Variants in PAK1 observed in about 807,000 individuals in gnomAD.
PAK1 encodes the protein p21 (RAC1) activated kinase 1, also known as serine/threonine-protein kinase PAK 1.
Under a neutral mutation model 67.4 loss-of-function variants are expected in PAK1, and 29 were observed. That is an observed-to-expected ratio of 0.43 (90% CI 0.32 to 0.59). The LOEUF is 0.59. Ranked by LOEUF, PAK1 falls within the 20% of genes least tolerant of loss-of-function variation. PAK1 has a pLI of 0.07. For synonymous variants in PAK1, 223 were observed against 237.4 expected, an observed-to-expected ratio of 0.94 and a Z score of 0.56; for missense variants, 337 against 670.7, an observed-to-expected ratio of 0.50 and a Z score of 5.50.
intron 1 of PAK1, among the ~76,000 whole-genome samples, chr11:77,452,563 T>C (rs942234085): frequency 6.6e-6 from 1 of 152,046 alleles, no homozygotes; most frequent in African/African-American, 2.4e-5. Context: ...GCAACCCAAC[T>C]AGTCTATGAG....
At chr11:77,513,927 G>A in the PAK1 span, among the ~76,000 whole-genome samples, 50,527 of 151,938 alleles carry the variant, frequency 0.33, 8,602 homozygotes, top group Admixed American at 0.37. Context: ...GTACTGTGCT[G>A]GACACCTGTC....
Position 77,426,437 on chromosome 11 carries a change from C to T in PAK1, c.-21-33896G>A, listed in dbSNP as rs1054004354. ...CATATCATTTAACCTAATAACAGCC[C>T]TTTAAAAATTGGCTTTATTACCCTC... On this transcript the variant is annotated intron_variant, in intron 1 of 14. Transcript: ENST00000356341. 3.3e-5 allele frequency among the ~76,000 whole-genome samples: 5 copies of T among 152,222 alleles called. No homozygotes were observed. In the South Asian group the frequency reaches 6.2e-4, roughly 19 times the overall value.
chr11:77,375,604 C>T (rs890661864), intron 4 of PAK1, among the ~76,000 whole-genome samples: 1 of 152,174 alleles, frequency 6.6e-6, no homozygotes, highest in African/African-American at 2.4e-5. Context: ...TAATTGGCAG[C>T]TTTATTTTCT....
intron 11 of PAK1, among the ~76,000 whole-genome samples, chr11:77,340,001 A>C (rs969410657): frequency 1.3e-5 from 2 of 152,206 alleles, no homozygotes; most frequent in African/African-American, 4.8e-5. Context: ...GACACTGTCC[A>C]GGCTTTCTGG....
At chr11:77,500,422 G>T in the PAK1 span, among the ~76,000 whole-genome samples, 1 of 151,684 alleles carries the variant, frequency 6.6e-6, no homozygotes, top group South Asian at 2.1e-4. Context: ...AGCCGAGATT[G>T]TGCCACTGCA....
intron 14 of PAK1, among the ~76,000 whole-genome samples, chr11:77,332,275 GCA>G (rs1941726770): frequency 9.0e-6 from 1 of 111,638 alleles, no homozygotes; most frequent in Non-Finnish European, 1.8e-5. Flanking sequence ...TCACGCCATT[GCA>G]CACTCCTGCC....
intron 1 of PAK1, among the ~76,000 whole-genome samples, chr11:77,411,164 T>C (rs1412406420): frequency 6.6e-6 from 1 of 152,014 alleles, no homozygotes. Flanking sequence ...TACCAAGGTC[T>C]ACTTCCCAAG....
chr11:77,502,773 C>T, the PAK1 span, among the ~76,000 whole-genome samples: 2 of 152,094 alleles, frequency 1.3e-5, no homozygotes, highest in Non-Finnish European at 2.9e-5. Flanking sequence ...CCACAGACCT[C>T]GCAAGCTGGC....
intron 14 of PAK1, among the ~76,000 whole-genome samples, chr11:77,330,246 G>C (rs9667939): frequency 0.041 from 6,262 of 152,092 alleles, 452 homozygotes; most frequent in African/African-American, 0.14. Context: ...TCCCCATCAA[G>C]CTACCAATGA....
intron 1 of PAK1, among the ~76,000 whole-genome samples, chr11:77,408,548 C>CACACAT (rs1378874256): frequency 6.6e-6 from 1 of 151,494 alleles, no homozygotes; most frequent in East Asian, 1.9e-4. Flanking sequence ...CACACACACA[C>CACACAT]ACACACACAC....
chr11:77,331,675 AC>A (rs1941557267), intron 14 of PAK1, among the ~76,000 whole-genome samples: 1 of 152,108 alleles, frequency 6.6e-6, no homozygotes, highest in Non-Finnish European at 1.5e-5. Flanking sequence ...TAAGAGATAT[AC>A]CTAATGCTAA....
At chr11:77,405,646 T>C (rs1338516492) in intron 1 of PAK1, among the ~76,000 whole-genome samples, 1 of 147,812 alleles carries the variant, frequency 6.8e-6, no homozygotes, top group East Asian at 2.0e-4. Flanking sequence ...TGGCATCTCC[T>C]ATTCAAAGAC....
chr11:77,448,451 T>A (rs762779968), intron 1 of PAK1, among the ~76,000 whole-genome samples: 75 of 152,170 alleles, frequency 4.9e-4, no homozygotes, highest in Non-Finnish European at 7.5e-4. Flanking sequence ...ACAGTACAAA[T>A]ATAATATAAG....
chr11:77,471,232 T>A (rs1452358291), intron 1 of PAK1, among the ~76,000 whole-genome samples: 1 of 152,156 alleles, frequency 6.6e-6, no homozygotes, highest in Non-Finnish European at 1.5e-5. Flanking sequence ...CGCAGTTAAG[T>A]GCTACGGAAG....
intron 2 of PAK1, among the ~76,000 whole-genome samples, chr11:77,387,155 C>G (rs1180842418): frequency 6.6e-6 from 1 of 151,478 alleles, no homozygotes; most frequent in African/African-American, 2.4e-5. Context: ...TCACTGCAAC[C>G]TCTGCCGCCC....
intron 1 of PAK1, among the ~76,000 whole-genome samples, chr11:77,470,820 T>C (rs1217155260): frequency 1.3e-5 from 2 of 152,158 alleles, no homozygotes; most frequent in Non-Finnish European, 1.5e-5. Flanking sequence ...GCTTGGAATA[T>C]TGCAACAGCA....
At chr11:77,398,477 T>C (rs918362315) in intron 1 of PAK1, among the ~76,000 whole-genome samples, 5 of 152,202 alleles carry the variant, frequency 3.3e-5, no homozygotes, top group Non-Finnish European at 4.4e-5. Flanking sequence ...TACTCCATTG[T>C]ACATGTTCCA....
intron 1 of PAK1, among the ~76,000 whole-genome samples, chr11:77,471,514 C>T (rs1232851648): frequency 6.6e-6 from 1 of 152,074 alleles, no homozygotes. Flanking sequence ...GGACTGCATC[C>T]CAGAGGCCCA....
At chr11:77,462,924 C>CA (rs1181946468) in intron 1 of PAK1, among the ~76,000 whole-genome samples, 3 of 118,758 alleles carry the variant, frequency 2.5e-5, no homozygotes, top group African/African-American at 9.8e-5. Context: ...CTCACTCAAT[C>CA]AAAGTGCCTA....
Sources: gnomAD v4.1 joint callset for allele counts (sites outside exome capture counted in the v4.1 genomes callset) on GRCh38, gnomAD v4.1.1 for gene constraint, MANE v1.5 for transcripts, NCBI Gene and HGNC (gene_info 2026-07-23, HGNC 2026-07-21) for gene names.